Variants in KLHL1 observed in about 807,000 individuals in gnomAD.
KLHL1 encodes the protein kelch like family member 1.
A neutral mutation model predicts 77.7 loss-of-function variants in KLHL1; 47 were observed. The observed-to-expected ratio is 0.60, with a 90% CI of 0.48 to 0.77. The LOEUF (loss-of-function observed/expected upper bound fraction) is 0.77, where lower values mean the gene tolerates loss of function less well. KLHL1 is among the 30% of genes least tolerant of loss of function. KLHL1 has a pLI of 0.00. For missense variants in KLHL1, 925 were observed against 910.8 expected, an observed-to-expected ratio of 1.02 and a Z score of -0.20; for synonymous variants, 360 against 325.2, an observed-to-expected ratio of 1.11 and a Z score of -1.15.
chr13:69,840,947 A>T (rs1566312976), intron 5 of KLHL1, among the ~76,000 whole-genome samples: 1 of 151,814 alleles, frequency 6.6e-6, no homozygotes, highest in Non-Finnish European at 1.5e-5. Context: ...CACAGAAGGA[A>T]AATAATTAAC....
intron 4 of KLHL1, among the ~76,000 whole-genome samples, chr13:69,918,252 T>G (rs1358441678): frequency 6.6e-6 from 1 of 151,904 alleles, no homozygotes; most frequent in African/African-American, 2.4e-5. Flanking sequence ...TTTTAAAATA[T>G]AATTAAATTT....
chr13:70,067,510 T>C (rs1887037869), intron 1 of KLHL1, among the ~76,000 whole-genome samples: 2 of 152,112 alleles, frequency 1.3e-5, no homozygotes, highest in South Asian at 4.1e-4. Context: ...GTAAGCATGA[T>C]ACGCAGATGA....
At chr13:69,936,621 A>G (rs1352657551) in intron 4 of KLHL1, among the ~76,000 whole-genome samples, 5 of 151,394 alleles carry the variant, frequency 3.3e-5, no homozygotes, top group African/African-American at 1.2e-4. Context: ...ATGAAGATTG[A>G]ACATGCTATG....
intron 7 of KLHL1, among the ~76,000 whole-genome samples, chr13:69,772,859 C>T (rs1249044291): frequency 6.6e-6 from 1 of 152,050 alleles, no homozygotes; most frequent in Admixed American, 6.6e-5. Flanking sequence ...TATGAGATAA[C>T]CTTCATTTGA....
At chr13:69,834,769 T>C (rs1172817745) in intron 6 of KLHL1, among the ~76,000 whole-genome samples, 5 of 152,086 alleles carry the variant, frequency 3.3e-5, no homozygotes, top group Admixed American at 1.3e-4. Flanking sequence ...AACAAATGAG[T>C]ATTCAGTAAT....
At chr13:69,856,671 T>A (rs1338389621) in intron 5 of KLHL1, among the ~76,000 whole-genome samples, 1 of 152,122 alleles carries the variant, frequency 6.6e-6, no homozygotes, top group African/African-American at 2.4e-5. Flanking sequence ...TACACTATAC[T>A]GTAATCTTAC....
intron 1 of KLHL1, among the ~76,000 whole-genome samples, chr13:70,069,234 C>T (rs1461067172): frequency 6.6e-6 from 1 of 152,142 alleles, no homozygotes; most frequent in Non-Finnish European, 1.5e-5. Context: ...TTACAGCTAA[C>T]AAACACTGAA....
chr13:70,033,560 C>G lies in KLHL1; in HGVS notation c.498-57758G>C, dbSNP rs894933083. 2.0e-5 allele frequency among the ~76,000 whole-genome samples: 3 copies of G among 147,280 alleles called. No homozygotes were observed. The Admixed American group carries it at 2.0e-4, about 10-fold the overall frequency. The stretch of plus-strand genomic sequence containing the variant: ...CGACCTCGTGATCCACCCGCCTTGG[C>G]CTCCCAAAGTGCTGGGATTACAGGT... On this transcript the variant is annotated intron_variant, in intron 1 of 10. Coordinates refer to ENST00000377844, the MANE Select transcript of KLHL1 (RefSeq NM_020866.3).
chr13:70,087,353 A>G (rs1044803147), intron 1 of KLHL1, among the ~76,000 whole-genome samples: 1 of 152,182 alleles, frequency 6.6e-6, no homozygotes, highest in Non-Finnish European at 1.5e-5. Flanking sequence ...GGGTAAAAAT[A>G]CATAATCACT....
chr13:69,913,621 G>A (rs1456762738), intron 4 of KLHL1, among the ~76,000 whole-genome samples: 1 of 152,170 alleles, frequency 6.6e-6, no homozygotes, highest in African/African-American at 2.4e-5. Context: ...CAGGGAAAAG[G>A]TGCAAAAGTT....
intron 6 of KLHL1, among the ~76,000 whole-genome samples, chr13:69,836,658 AATGTTATCCAGAGCATCT>A (rs1237246433): frequency 6.6e-6 from 1 of 152,114 alleles, no homozygotes; most frequent in East Asian, 1.9e-4. Context: ...TACAAAACTT[AATGTTATCCAGAGCATCT>A]ATGTATTTTC....
At chr13:69,862,480 G>T (rs1352186395) in intron 5 of KLHL1, among the ~76,000 whole-genome samples, 1 of 152,006 alleles carries the variant, frequency 6.6e-6, no homozygotes, top group African/African-American at 2.4e-5. Context: ...CTTAAACTTT[G>T]GTTTGTTGTC....
At chr13:69,979,395 A>C (rs1884643294) in intron 1 of KLHL1, among the ~76,000 whole-genome samples, 1 of 152,038 alleles carries the variant, frequency 6.6e-6, no homozygotes, top group Admixed American at 6.6e-5. Flanking sequence ...TCAACCTTAT[A>C]CTTAATATAG....
At chr13:69,739,126 C>G (rs1873881046) in intron 8 of KLHL1, among the ~76,000 whole-genome samples, 1 of 152,100 alleles carries the variant, frequency 6.6e-6, no homozygotes. Flanking sequence ...TAATTTCCAA[C>G]CTAGAATTTC....
intron 8 of KLHL1, among the ~76,000 whole-genome samples, chr13:69,724,940 A>G (rs975995013): frequency 4.6e-5 from 7 of 152,204 alleles, no homozygotes; most frequent in Non-Finnish European, 8.8e-5. Flanking sequence ...TCATGTTTAC[A>G]TCTGCTCTAC....
At chr13:70,003,111 G>A (rs897485321) in intron 1 of KLHL1, among the ~76,000 whole-genome samples, 2 of 151,436 alleles carry the variant, frequency 1.3e-5, no homozygotes, top group African/African-American at 4.8e-5. Context: ...AGAGTAAAAA[G>A]GAAAACAAAT....
At chr13:69,745,870 A>G (rs1483404898) in intron 7 of KLHL1, among the ~76,000 whole-genome samples, 1 of 151,762 alleles carries the variant, frequency 6.6e-6, no homozygotes, top group Non-Finnish European at 1.5e-5. Flanking sequence ...CAATATCCTA[A>G]TGAAATATCA....
intron 1 of KLHL1, among the ~76,000 whole-genome samples, chr13:70,061,390 TTTTGGG>T (rs11278699): frequency 0.29 from 44,225 of 151,338 alleles, 7,076 homozygotes; most frequent in East Asian, 0.67. Flanking sequence ...TTTTCTTTTA[TTTTGGG>T]TTTAAGTGGT....
intron 5 of KLHL1, among the ~76,000 whole-genome samples, chr13:69,879,000 G>A (rs970659088): frequency 1.3e-5 from 2 of 152,004 alleles, no homozygotes; most frequent in Admixed American, 1.3e-4. Context: ...CTATCACAAG[G>A]AGAAAAAATC....
Sources: allele counts gnomAD v4.1 joint callset (sites outside exome capture counted in the v4.1 genomes callset), GRCh38; gene constraint gnomAD v4.1.1; transcripts MANE v1.5; gene names NCBI Gene and HGNC (gene_info 2026-07-23, HGNC 2026-07-21).